KCNJ11: variants seen among roughly 807,000 people sequenced by gnomAD.
The protein encoded by KCNJ11 is potassium inwardly rectifying channel subfamily J member 11, also known as ATP-sensitive inward rectifier potassium channel 11.
A neutral mutation model predicts 17.3 loss-of-function variants in KCNJ11; 12 were observed. That is an observed-to-expected ratio of 0.69 (90% CI 0.44 to 1.12). The LOEUF is 1.12. Ranked by LOEUF, KCNJ11 falls within the 50% of genes most tolerant of loss-of-function variation. The pLI is 0.00. For synonymous variants in KCNJ11, 211 were observed against 223.4 expected (o/e 0.94, Z 0.50); for missense variants, 386 against 554.1 (o/e 0.70, Z 3.05).
In KCNJ11 at chr11:17,387,719, T is replaced by G. The variant is rs1160918992; in HGVS notation, c.373A>C (p.Ile125Leu). ...HSFSSAFLFSIEVQVTIGFGG... is the reference protein window; with the variant it reads ...HSFSSAFLFSLEVQVTIGFGG... ...AAGCCAATAGTCACTTGGACCTCAATGGAGAAAAGGAAGGCAGACGAGAAG... is the reference window on the plus strand; with the variant it reads ...AAGCCAATAGTCACTTGGACCTCAAGGGAGAAAAGGAAGGCAGACGAGAAG... Residue 125 changes from isoleucine to leucine, a missense_variant, in exon 1 of 1, where the codon ATT becomes CTT. Ile to Leu is a conservative substitution (Grantham distance 5). Transcript: ENST00000339994. The G allele has an allele frequency of 6.2e-7, 1 of 1,613,944 alleles. No homozygotes were observed. The highest frequency in any genetic ancestry group is 2.2e-5 in the East Asian group (1 of 44,854).
In KCNJ11 at chr11:17,387,385, A is replaced by C. The variant is rs1262586935; in HGVS notation, c.707T>G (p.Val236Gly). The C allele has an allele frequency of 1.2e-6, 2 of 1,613,892 alleles. No homozygotes were observed. The highest frequency in any genetic ancestry group is 2.7e-5 in the African/African-American group (2 of 74,890). Residue 236 changes from valine to glycine, a missense_variant, in exon 1 of 1, where the codon GTG (valine) becomes GGG (glycine). Transcript: ENST00000339994. ...PEGEVVPLHQ[V>G]DIPMENGVGG... ...CACGCCGTTCTCCATGGGGATGTCCACCTGGTGGAGGGGCACCACCTCGCC... is the reference window on the plus strand; with the variant it reads ...CACGCCGTTCTCCATGGGGATGTCCCCCTGGTGGAGGGGCACCACCTCGCC...
rs1383952155 is a variant in KCNJ11, at chr11:17,387,725, A to G, written c.367T>C (p.Phe123Leu). Residue 123 changes from phenylalanine to leucine, a missense_variant, in exon 1 of 1, where the codon TTC becomes CTC. Physicochemically the swap from Phe to Leu is conservative, Grantham distance 22 (BLOSUM62 0). Transcript: ENST00000339994. Reference protein sequence around the residue: ...SIHSFSSAFLFSIEVQVTIGF... With the variant: ...SIHSFSSAFLLSIEVQVTIGF... ...ATAGTCACTTGGACCTCAATGGAGA[A>G]AAGGAAGGCAGACGAGAAGGAGTGG... is the stretch of plus-strand genomic sequence containing the variant. The G allele has an allele frequency of 1.2e-6, 2 of 1,614,134 alleles. No individual in the cohort carries two copies. The highest frequency in any genetic ancestry group is 1.7e-6 in the Non-Finnish European group (2 of 1,180,026).
chr11:17,387,360 C>T lies in KCNJ11; in HGVS notation c.732G>A (p.Val244=). The change falls in exon 1 of 1, where the codon GTG becomes GTA. Residue 244 remains valine, a synonymous_variant. Coordinates refer to ENST00000339994, the MANE Select transcript of KCNJ11 (RefSeq NM_000525.4). ...HQVDIPMENG[V]GGNSIFLVAP... is the part of the protein sequence containing the mutation. ...CCACCAGGAAGATGCTGTTGCCACC[C>T]ACGCCGTTCTCCATGGGGATGTCCA... 1.9e-6 allele frequency: 3 copies of T among 1,614,102 alleles called. No individual in the cohort carries two copies. Among genetic ancestry groups the T allele is most frequent in the Non-Finnish European group, 2.5e-6 (3 of 1,180,028 alleles).
rs1953559711 is a variant in KCNJ11 at position 17,386,589 on chromosome 11, A to G, written c.*330T>C. The G allele has an allele frequency of 3.6e-6, 1 of 280,544 alleles. No homozygotes were observed. Among genetic ancestry groups the G allele is most frequent in the African/African-American group, 2.1e-5 (1 of 46,532 alleles). 17.4% of individuals were successfully genotyped at this position (280,544 alleles called of 1,614,324 possible). Reference sequence around the variant, plus strand: ...ATTGTTCTTCCCCAGCCACCGGCCCAGAGTGTGGCTGGTCAATCGTGGGGA... The same window carrying G: ...ATTGTTCTTCCCCAGCCACCGGCCCGGAGTGTGGCTGGTCAATCGTGGGGA... On this transcript the variant is annotated 3_prime_UTR_variant, in exon 1 of 1. Coordinates refer to ENST00000339994, the MANE Select transcript of KCNJ11 (RefSeq NM_000525.4).
chr11:17,388,974 A>T (rs1953608887), upstream of KCNJ11: 1 of 398,542 alleles, frequency 2.5e-6, no homozygotes, highest in South Asian at 1.7e-5. Flanking sequence ...ATCCCCCTCC[A>T]GCTCTCGTCC....
Position 17,386,678 on chromosome 11 carries a change from G to C in KCNJ11, c.*241C>G, listed in dbSNP as rs1321656764. The C allele has an allele frequency of 1.9e-6, 1 of 539,950 alleles. No individual in the cohort carries two copies. The highest frequency in any genetic ancestry group is 1.9e-5 in the African/African-American group (1 of 52,908). 33.4% of individuals were successfully genotyped at this position (539,950 alleles called of 1,614,324 possible). A position where few individuals can be genotyped will look rare whatever the true frequency, so the allele number is the denominator to read the frequency against. ...CCTCCCACAGCCTCTGCAGCCTTGG[G>C]CGGGGGAGAGGGGTGAGCCAGTCCT... On this transcript the variant is annotated 3_prime_UTR_variant, in exon 1 of 1. Transcript: ENST00000339994.
rs1165472619 is a variant in KCNJ11 at position 17,387,568 on chromosome 11, T to C, written c.524A>G (p.His175Arg). The change falls in exon 1 of 1, where the codon CAC (histidine) becomes CGC (arginine). Residue 175 changes from histidine (H) to arginine (R), a missense_variant. Transcript: ENST00000339994. ...GCIFMKTAQA[H>R]RRAETLIFSK... ...GAAGATGAGGGTCTCAGCCCTGCGGTGGGCTTGGGCAGTCTTCATGAAGAT... is the reference window on the plus strand; with the variant it reads ...GAAGATGAGGGTCTCAGCCCTGCGGCGGGCTTGGGCAGTCTTCATGAAGAT... The C allele has an allele frequency of 6.2e-7, 1 of 1,613,240 alleles. No homozygotes were observed. The highest frequency in any genetic ancestry group is 8.5e-7 in the Non-Finnish European group (1 of 1,179,940).
At position 17,388,082 on chromosome 11, in the gene KCNJ11, G is replaced by T. The variant is rs543286136; in HGVS notation, c.10C>A (p.Arg4Ser). The change falls in exon 1 of 1, where the codon CGC becomes AGC. Residue 4 changes from arginine to serine, a missense_variant. By Grantham distance (110) the Arg-to-Ser change is moderately radical. Coordinates refer to ENST00000339994, the MANE Select transcript of KCNJ11 (RefSeq NM_000525.4). MLS[R>S]KGIIPEEYVL... ...TATTCCTCGGGGATGATGCCCTTGC[G>T]GGACAGCATGGCTCCGGTGACCCCC... The T allele has an allele frequency of 1.9e-6, 3 of 1,609,988 alleles. No individual in the cohort carries two copies. Among genetic ancestry groups the T allele is most frequent in the African/African-American group, 2.7e-5 (2 of 74,924 alleles).
upstream of KCNJ11, chr11:17,388,991 T>C (rs1953609655): frequency 5.2e-6 from 2 of 381,460 alleles, no homozygotes; most frequent in East Asian, 8.7e-5. Context: ...GTCCTCTCTG[T>C]CTCCTTGGGA....
rs781450902 is a variant in KCNJ11 at position 17,387,431 on chromosome 11, G to A, written c.661C>T (p.Arg221Cys). 6 of 1,613,516 alleles carry A rather than the reference G, an allele frequency of 3.7e-6. No homozygotes were observed. The highest frequency in any genetic ancestry group is 1.7e-5 in the Admixed American group (1 of 60,006). ...TCGCCCTCGGGGCTGGTGGTCTTGCGTACCACCTGCATGTGGATGGTGGCG... is the reference window on the plus strand; with the variant it reads ...TCGCCCTCGGGGCTGGTGGTCTTGCATACCACCTGCATGTGGATGGTGGCG... ...ISATIHMQVV[R>C]KTTSPEGEVV... Residue 221 changes from arginine (R) to cysteine (C), a missense_variant, in exon 1 of 1, where the codon CGC (arginine) becomes TGC (cysteine). Transcript: ENST00000339994.
At chr11:17,389,023 C>G (rs1476891162), upstream of KCNJ11, 2 of 231,186 alleles carry the variant, frequency 8.7e-6, no homozygotes, top group Non-Finnish European at 1.9e-5. Context: ...CTGGAGTCAC[C>G]ACCCCACCCG....
rs554874150 is a variant in KCNJ11, at chr11:17,388,097, C to T, written c.-6G>A. The stretch of plus-strand genomic sequence containing the variant: ...ATGCCCTTGCGGGACAGCATGGCTC[C>T]GGTGACCCCCAGGGAGGGGCTTCCC... On this transcript the variant is annotated 5_prime_UTR_variant, in exon 1 of 1. Transcript: ENST00000339994. 37 of 1,607,976 alleles carry T rather than the reference C, an allele frequency of 2.3e-5. No homozygotes were observed. The highest frequency in any genetic ancestry group is 6.7e-5 in the East Asian group (3 of 44,766).
rs770194798 is a variant in KCNJ11 at position 17,386,679 on chromosome 11, C to A, written c.*240G>T. 1 of 537,456 alleles carries A rather than the reference C, an allele frequency of 1.9e-6. No individual in the cohort carries two copies. Among genetic ancestry groups the A allele is most frequent in the East Asian group, 3.1e-5 (1 of 32,752 alleles). 33.3% of individuals were successfully genotyped at this position (537,456 alleles called of 1,614,324 possible). A position where few individuals can be genotyped will look rare whatever the true frequency, so the allele number is the denominator to read the frequency against. ...CTCCCACAGCCTCTGCAGCCTTGGG[C>A]GGGGGAGAGGGGTGAGCCAGTCCTG... On this transcript the variant is annotated 3_prime_UTR_variant, in exon 1 of 1. Transcript: ENST00000339994.
chr11:17,386,703 T>C lies in KCNJ11; in HGVS notation c.*216A>G. On this transcript the variant is annotated 3_prime_UTR_variant, in exon 1 of 1. Coordinates refer to ENST00000339994, the MANE Select transcript of KCNJ11 (RefSeq NM_000525.4). Reference sequence around the variant, plus strand: ...GCGGGGGAGAGGGGTGAGCCAGTCCTGAATTGGGTTGGGAGGAGCAGGGAC... The same window carrying C: ...GCGGGGGAGAGGGGTGAGCCAGTCCCGAATTGGGTTGGGAGGAGCAGGGAC... 1 of 572,068 alleles carries C rather than the reference T, an allele frequency of 1.7e-6. No homozygotes were observed. Among genetic ancestry groups the C allele is most frequent in the Non-Finnish European group, 3.1e-6 (1 of 321,948 alleles). The allele number at this position is 572,068 out of a possible 1,614,324, so 35.4% of individuals were successfully genotyped here.
Position 17,386,871 on chromosome 11 carries a change from C to A in KCNJ11, c.*48G>T. ...CAGGCCCTGGCCGGGCTACATACCA[C>A]ATGGTCCGTGTGTACACACGCGTGT... On this transcript the variant is annotated 3_prime_UTR_variant, in exon 1 of 1. Transcript: ENST00000339994. The A allele has an allele frequency of 6.5e-7, 1 of 1,544,272 alleles. No individual in the cohort carries two copies. Among genetic ancestry groups the A allele is most frequent in the Non-Finnish European group, 8.8e-7 (1 of 1,135,596 alleles).
chr11:17,387,430 C>T lies in KCNJ11; in HGVS notation c.662G>A (p.Arg221His), dbSNP rs768909861. Residue 221 changes from arginine to histidine, a missense_variant, in exon 1 of 1, where the codon CGC (arginine) becomes CAC (histidine). Transcript: ENST00000339994. ...ISATIHMQVVRKTTSPEGEVV... is the reference protein window; with the variant it reads ...ISATIHMQVVHKTTSPEGEVV... ...CTCGCCCTCGGGGCTGGTGGTCTTG[C>T]GTACCACCTGCATGTGGATGGTGGC... The T allele has an allele frequency of 5.0e-6, 8 of 1,613,616 alleles. No individual in the cohort carries two copies. Among genetic ancestry groups the T allele is most frequent in the South Asian group, 2.2e-5 (2 of 91,084 alleles).
At position 17,387,278 on chromosome 11, in the gene KCNJ11, G is replaced by GA. The variant is rs764143976; in HGVS notation, c.813_814insT (p.Pro272SerfsTer37). ...TCCTGGTGGTGGTGCAGGTCGCTGG[G>GA]TGCCAGGTCGTAGAGTGGGCTGTTG... On this transcript the variant is annotated frameshift_variant, in exon 1 of 1. Transcript: ENST00000339994. 1.2e-6 allele frequency: 2 copies of GA among 1,614,170 alleles called. No individual in the cohort carries two copies. Among genetic ancestry groups the GA allele is most frequent in the Non-Finnish European group, 1.7e-6 (2 of 1,180,008 alleles).
upstream of KCNJ11, chr11:17,388,853 C>T (rs149028222): frequency 5.0e-4 from 230 of 456,350 alleles, no homozygotes; most frequent in African/African-American, 4.2e-3. Flanking sequence ...GTCTGGCCTT[C>T]GGGCTCCCAG....
rs1379750442 is a variant in KCNJ11 at position 17,388,141 on chromosome 11, G to A, written c.-50C>T. The A allele has an allele frequency of 9.6e-6, 15 of 1,569,960 alleles. No homozygotes were observed. The highest frequency in any genetic ancestry group is 1.7e-5 in the Admixed American group (1 of 59,392). ...GCTTCCCCCATCGGAGGCACCCCTC[G>A]GACGTGGCCTAGGGCCTCACTGCAG... is the stretch of plus-strand genomic sequence containing the variant. On this transcript the variant is annotated 5_prime_UTR_variant, in exon 1 of 1. Coordinates refer to ENST00000339994, the MANE Select transcript of KCNJ11 (RefSeq NM_000525.4).
Sources: gnomAD v4.1 joint callset for allele counts on GRCh38, gnomAD v4.1.1 for gene constraint, MANE v1.5 for transcripts, NCBI Gene and HGNC (gene_info 2026-07-23, HGNC 2026-07-21) for gene names.